GPC6: variants seen among roughly 807,000 people sequenced by gnomAD.
GPC6 encodes the protein glypican-6.
Under a neutral mutation model 55.2 loss-of-function variants are expected in GPC6, and 14 were observed. The observed-to-expected ratio is 0.25, with a 90% CI of 0.17 to 0.40. The LOEUF (loss-of-function observed/expected upper bound fraction) is 0.40, where lower values mean the gene tolerates loss of function less well. GPC6 is among the 10% of genes least tolerant of loss of function. The pLI, the probability that GPC6 is intolerant of heterozygous loss-of-function variation, is 1.00. For missense variants in GPC6, 641 were observed against 708.5 expected (o/e 0.90, Z 1.08); for synonymous variants, 278 against 259.6 (o/e 1.07, Z -0.68).
intron 4 of GPC6, among the ~76,000 whole-genome samples, chr13:94,038,821 T>C (rs1883428123): frequency 6.6e-6 from 1 of 151,774 alleles, no homozygotes; most frequent in African/African-American, 2.4e-5. Context: ...TAGGAAAACA[T>C]CAAGACACCA....
chr13:93,469,470 GA>G (rs942131289), intron 1 of GPC6, among the ~76,000 whole-genome samples: 17 of 152,096 alleles, frequency 1.1e-4, no homozygotes, highest in African/African-American at 3.4e-4. Flanking sequence ...ATGTATCACA[GA>G]AAAAAACTCT....
chr13:93,866,521 T>C (rs1386161726), intron 3 of GPC6, among the ~76,000 whole-genome samples: 1 of 151,774 alleles, frequency 6.6e-6, no homozygotes, highest in Non-Finnish European at 1.5e-5. Context: ...ATATATACCA[T>C]GGAATACTGT....
intron 1 of GPC6, among the ~76,000 whole-genome samples, chr13:93,231,368 T>TATAC (rs1566533413): frequency 1.1e-3 from 19 of 17,984 alleles, no homozygotes; most frequent in African/African-American, 5.5e-3. Flanking sequence ...TACGTATATA[T>TATAC]ATATATATAT....
chr13:93,940,405 G>C (rs956664339), intron 3 of GPC6, among the ~76,000 whole-genome samples: 1 of 146,728 alleles, frequency 6.8e-6, no homozygotes, highest in Non-Finnish European at 1.5e-5. Context: ...TGGATGAATG[G>C]ATGGATGAAT....
chr13:94,174,817 C>T (rs1888689517), intron 4 of GPC6, among the ~76,000 whole-genome samples: 1 of 152,024 alleles, frequency 6.6e-6, no homozygotes, highest in Non-Finnish European at 1.5e-5. Context: ...AGCCAATATG[C>T]CCATTTTAGA....
chr13:94,301,847 T>A (rs1337059928), intron 5 of GPC6, among the ~76,000 whole-genome samples: 1 of 152,252 alleles, frequency 6.6e-6, no homozygotes, highest in African/African-American at 2.4e-5. Context: ...CTACTGACTC[T>A]CATTGAACCT....
At chr13:94,166,842 C>A (rs1252548049) in intron 4 of GPC6, among the ~76,000 whole-genome samples, 1 of 151,974 alleles carries the variant, frequency 6.6e-6, no homozygotes, top group African/African-American at 2.4e-5. Context: ...TGTATTTAGT[C>A]CAAATACATT....
chr13:93,513,099 T>C (rs949807512), intron 1 of GPC6, among the ~76,000 whole-genome samples: 1 of 152,166 alleles, frequency 6.6e-6, no homozygotes, highest in Admixed American at 6.5e-5. Flanking sequence ...GATTACAAAC[T>C]TGAGTCCCTG....
rs79136958 is a variant in GPC6 at position 93,901,112 on chromosome 13, C to T, written c.711+70567C>T. Among the ~76,000 whole-genome samples, 832 of 152,168 alleles carry T rather than the reference C, an allele frequency of 5.5e-3. 7 individuals are homozygous for T. Among genetic ancestry groups the T allele is most frequent in the African/African-American group, 0.014 (588 of 41,518 alleles). On this transcript the variant is annotated intron_variant, in intron 3 of 8. Transcript: ENST00000377047. Reference sequence around the variant, plus strand: ...ATATTCATATTTGCAGTTTTAAAAACGATGATCAATTGACTAAATGTCCAG... The same window carrying T: ...ATATTCATATTTGCAGTTTTAAAAATGATGATCAATTGACTAAATGTCCAG...
the GPC6 span, among the ~76,000 whole-genome samples, chr13:93,217,187 AC>A: frequency 6.6e-6 from 1 of 152,260 alleles, no homozygotes; most frequent in South Asian, 2.1e-4. Context: ...ATGAAAATAG[AC>A]TAGCAAATTA....
At chr13:93,966,070 G>A (rs1880026212) in intron 3 of GPC6, among the ~76,000 whole-genome samples, 1 of 152,102 alleles carries the variant, frequency 6.6e-6, no homozygotes, top group South Asian at 2.1e-4. Context: ...CACGTCTCCT[G>A]GGGAAAATTA....
chr13:93,865,195 TC>T (rs1888924722), intron 3 of GPC6, among the ~76,000 whole-genome samples: 1 of 151,474 alleles, frequency 6.6e-6, no homozygotes, highest in African/African-American at 2.4e-5. Context: ...ATCCTCCTCC[TC>T]TCCAGTTGGA....
chr13:94,256,740 T>C (rs984751572), intron 4 of GPC6, among the ~76,000 whole-genome samples: 1 of 152,220 alleles, frequency 6.6e-6, no homozygotes, highest in Non-Finnish European at 1.5e-5. Context: ...CTGGCAGGGC[T>C]GTGCAATCCT....
chr13:94,382,653 G>C lies in GPC6; in HGVS notation c.1289+103G>C, dbSNP rs1471941761. The C allele has an allele frequency of 2.7e-6, 4 of 1,468,092 alleles. No homozygotes were observed. The East Asian group carries it at 9.2e-5, about 34-fold the overall frequency. The allele number at this position is 1,468,092 out of a possible 1,614,324, so 90.9% of individuals were successfully genotyped here. A position where few individuals can be genotyped will look rare whatever the true frequency, so the allele number is the denominator to read the frequency against. ...AAACCTGTTTATGCAAAAAGCAACA[G>C]AGGGTGGAGGGACAAGTCATCACTT... is the stretch of plus-strand genomic sequence containing the variant. On this transcript the variant is annotated intron_variant, in intron 7 of 8. Coordinates refer to ENST00000377047, the MANE Select transcript of GPC6 (RefSeq NM_005708.5).
intron 4 of GPC6, among the ~76,000 whole-genome samples, chr13:94,111,319 G>C (rs773113242): frequency 9.9e-5 from 15 of 151,806 alleles, no homozygotes; most frequent in Non-Finnish European, 1.2e-4. Flanking sequence ...TATTGCCTAG[G>C]TAAGGGAGGG....
chr13:94,178,250 G>A (rs1436439711), intron 4 of GPC6, among the ~76,000 whole-genome samples: 3 of 151,982 alleles, frequency 2.0e-5, no homozygotes, highest in African/African-American at 7.3e-5. Context: ...GCCCACCTTG[G>A]CCTCCCAAAG....
At chr13:93,728,313 A>G (rs1015906406) in intron 2 of GPC6, among the ~76,000 whole-genome samples, 1 of 151,666 alleles carries the variant, frequency 6.6e-6, no homozygotes, top group Non-Finnish European at 1.5e-5. Flanking sequence ...ATTTCCCGGG[A>G]TCAAGTAATT....
At chr13:93,312,440 C>T (rs1033006195) in intron 1 of GPC6, among the ~76,000 whole-genome samples, 2 of 152,142 alleles carry the variant, frequency 1.3e-5, no homozygotes, top group South Asian at 2.1e-4. Context: ...AAGCCTGAAA[C>T]TAATTAAACT....
At chr13:94,227,087 T>G (rs1384212008) in intron 4 of GPC6, among the ~76,000 whole-genome samples, 1 of 152,216 alleles carries the variant, frequency 6.6e-6, no homozygotes, top group Non-Finnish European at 1.5e-5. Flanking sequence ...GAGGAGATAC[T>G]AACAACTCAC....
Sources: gnomAD v4.1 joint callset for allele counts (sites outside exome capture counted in the v4.1 genomes callset) on GRCh38, gnomAD v4.1.1 for gene constraint, MANE v1.5 for transcripts, NCBI Gene and HGNC (gene_info 2026-07-23, HGNC 2026-07-21) for gene names.